Variants in TTC12 observed in about 807,000 individuals in gnomAD.
TTC12 encodes the protein tetratricopeptide repeat domain 12, also known as tetratricopeptide repeat protein 12.
A neutral mutation model predicts 90.1 loss-of-function variants in TTC12; 70 were observed. The observed-to-expected ratio is 0.78, with a 90% CI of 0.64 to 0.95. TTC12 has a LOEUF of 0.95. TTC12 is among the 40% of genes least tolerant of loss of function. The probability of loss-of-function intolerance (pLI) is 0.00; values close to 1 mark genes in which losing one functional copy is unlikely to be tolerated. For synonymous variants in TTC12, 296 were observed against 311.5 expected (o/e 0.95, Z 0.53); for missense variants, 819 against 846.1 (o/e 0.97, Z 0.40).
downstream of TTC12, among the ~76,000 whole-genome samples, chr11:113,366,909 A>G (rs1474387452): frequency 4.6e-5 from 7 of 152,214 alleles, no homozygotes; most frequent in Non-Finnish European, 8.8e-5. Context: ...ACCCTCCTCC[A>G]GCCCATCTGG....
chr11:113,333,451 A>G (rs1948175515), intron 7 of TTC12, among the ~76,000 whole-genome samples: 1 of 152,112 alleles, frequency 6.6e-6, no homozygotes, highest in African/African-American at 2.4e-5. Context: ...TAGCATTTAT[A>G]TGCTTTTTTC....
intron 2 of TTC12, among the ~76,000 whole-genome samples, chr11:113,316,752 A>AT (rs782391012): frequency 6.0e-4 from 91 of 152,230 alleles, no homozygotes; most frequent in Admixed American, 1.2e-3. Context: ...GATCCATCAA[A>AT]TTACATGGAT....
intron 3 of TTC12, 55 bp downstream of exon 3, chr11:113,323,506 C>G (rs1172549061): frequency 1.6e-6 from 2 of 1,255,138 alleles, no homozygotes; most frequent in African/African-American, 3.0e-5. Flanking sequence ...AGACCTACAC[C>G]TAGGCAGTAG....
intron 2 of TTC12, 26 bp downstream of exon 2, chr11:113,316,341 A>G: frequency 2.4e-6 from 3 of 1,248,150 alleles, no homozygotes; most frequent in Non-Finnish European, 3.2e-6. Context: ...TCATAAATTA[A>G]TTTCTGCTTT....
chr11:113,368,196 C>T (rs765006320), downstream of TTC12: 10 of 1,472,264 alleles, frequency 6.8e-6, no homozygotes, highest in African/African-American at 2.8e-5. Context: ...GAGTGCCTGC[C>T]GAGAGCAGTC....
At chr11:113,347,430 G>A (rs1429729890) in intron 13 of TTC12, among the ~76,000 whole-genome samples, 1 of 152,134 alleles carries the variant, frequency 6.6e-6, no homozygotes, top group Non-Finnish European at 1.5e-5. Flanking sequence ...ATTCGGGATG[G>A]GCACTAACGC....
chr11:113,347,196 G>C (rs1232537912), intron 13 of TTC12, among the ~76,000 whole-genome samples: 1 of 152,172 alleles, frequency 6.6e-6, no homozygotes, highest in African/African-American at 2.4e-5. Flanking sequence ...GGATGAATCT[G>C]AACTAACTGT....
rs562690745 is a variant in TTC12 at position 113,317,407 on chromosome 11, G to A, written c.58+1092G>A. Among the ~76,000 whole-genome samples the A allele has an allele frequency of 3.9e-5, 6 of 152,110 alleles. No individual in the cohort carries two copies. In the South Asian group the frequency reaches 6.2e-4, roughly 16 times the overall value. On this transcript the variant is annotated intron_variant, in intron 2 of 21. Coordinates refer to ENST00000529221, the MANE Select transcript of TTC12 (RefSeq NM_017868.4). ...ATCCAGAAATTTACAGGTCATCTGG[G>A]ACTCCTCCCAACTCATAACCCTGCA... is the stretch of plus-strand genomic sequence containing the variant.
At chr11:113,347,264 A>G (rs1949021905) in intron 13 of TTC12, among the ~76,000 whole-genome samples, 1 of 152,218 alleles carries the variant, frequency 6.6e-6, no homozygotes, top group South Asian at 2.1e-4. Flanking sequence ...TGAAGATGTT[A>G]GGGATTTGCA....
intron 4 of TTC12, chr11:113,324,280 G>T: frequency 7.5e-6 from 4 of 532,650 alleles, no homozygotes; most frequent in Non-Finnish European, 1.3e-5. Context: ...GATCCAGATA[G>T]TTTCTCTGTT....
At chr11:113,315,344 A>G (rs912296497) in intron 1 of TTC12, 3 of 152,212 alleles carry the variant, frequency 2.0e-5, no homozygotes, top group Non-Finnish European at 4.4e-5. Flanking sequence ...TTTAGCCAGA[A>G]TCACACAGCT....
chr11:113,364,945 C>G lies in TTC12; in HGVS notation c.1927C>G (p.Leu643Val). Residue 643 changes from leucine (L) to valine (V), a missense_variant, in exon 21 of 22, where the codon CTA becomes GTA. Leu to Val is a conservative substitution (Grantham distance 32, BLOSUM62 1). Transcript: ENST00000529221. ...GGTGCCCAACGTTGCGTCTTCCCTGCTAAAGACGGACCTTTTGCAGGTCTT... is the reference window on the plus strand; with the variant it reads ...GGTGCCCAACGTTGCGTCTTCCCTGGTAAAGACGGACCTTTTGCAGGTCTT... ...MEVPNVASSL[L>V]KTDLLQVLLK... is the part of the protein sequence containing the mutation. The G allele has an allele frequency of 6.2e-7, 1 of 1,614,200 alleles. No homozygotes were observed. Among genetic ancestry groups the G allele is most frequent in the Non-Finnish European group, 8.5e-7 (1 of 1,180,048 alleles).
intron 8 of TTC12, among the ~76,000 whole-genome samples, chr11:113,336,662 A>G (rs1469150507): frequency 2.0e-5 from 3 of 152,184 alleles, no homozygotes; most frequent in Non-Finnish European, 2.9e-5. Context: ...TCAATTGACC[A>G]TAAATATATG....
chr11:113,329,813 G>A (rs1947918404), intron 6 of TTC12, 107 bp from the exon 7 acceptor site: 4 of 920,392 alleles, frequency 4.3e-6, no homozygotes, highest in Non-Finnish European at 7.2e-6. Flanking sequence ...ATCCAGGTAG[G>A]GGATAGTTCT....
chr11:113,316,279 G>A lies in TTC12; in HGVS notation c.22G>A (p.Asp8Asn), dbSNP rs1235477601. Residue 8 changes from aspartate (D) to asparagine (N), a missense_variant, in exon 2 of 22, where the codon GAT becomes AAT. Transcript: ENST00000529221. MDADKEKDLQKFLKNVDE... is the reference protein window; with the variant it reads MDADKEKNLQKFLKNVDE... Reference sequence around the variant, plus strand: ...CACAATGGATGCTGATAAAGAGAAAGATTTGCAGAAATTTCTTAAAAATGT... The same window carrying A: ...CACAATGGATGCTGATAAAGAGAAAAATTTGCAGAAATTTCTTAAAAATGT... The A allele has an allele frequency of 1.4e-6, 2 of 1,472,494 alleles. No individual in the cohort carries two copies. Among genetic ancestry groups the A allele is most frequent in the Non-Finnish European group, 1.8e-6 (2 of 1,109,892 alleles). The allele number at this position is 1,472,494 out of a possible 1,614,324, so 91.2% of individuals were successfully genotyped here.
intron 12 of TTC12, among the ~76,000 whole-genome samples, 157 bp from the exon 13 acceptor site, chr11:113,344,115 C>T (rs527381809): frequency 6.6e-6 from 1 of 152,286 alleles, no homozygotes; most frequent in African/African-American, 2.4e-5. Flanking sequence ...GCATTCGGAC[C>T]CAGCAGTCTG....
rs1379669775 is a variant in TTC12 at position 113,363,809 on chromosome 11, A to G, written c.1717-19A>G. On this transcript the variant is annotated intron_variant, in intron 19 of 21. Coordinates refer to ENST00000529221, the MANE Select transcript of TTC12 (RefSeq NM_017868.4). ...TCATAGCACTGATTTTATTTTTCTA[A>G]TTTCATTCTGAAATCTAGACAGGAG... 1.6e-5 allele frequency: 25 copies of G among 1,570,380 alleles called. No individual in the cohort carries two copies. The highest frequency in any genetic ancestry group is 2.2e-5 in the Non-Finnish European group (25 of 1,142,836).
chr11:113,367,350 C>T (rs1950249446), downstream of TTC12, among the ~76,000 whole-genome samples: 1 of 152,242 alleles, frequency 6.6e-6, no homozygotes, highest in Admixed American at 6.5e-5. Context: ...CTTCTGGAAA[C>T]ACTAATACCT....
intron 10 of TTC12, 90 bp from the exon 11 acceptor site, chr11:113,340,574 A>T: frequency 1.1e-6 from 1 of 898,818 alleles, no homozygotes; most frequent in Non-Finnish European, 1.9e-6. Context: ...ATTCCATATT[A>T]GGTTTCTCAT....
Sources: allele counts gnomAD v4.1 joint callset (sites outside exome capture counted in the v4.1 genomes callset), GRCh38; gene constraint gnomAD v4.1.1; transcripts MANE v1.5; gene names NCBI Gene and HGNC (gene_info 2026-07-23, HGNC 2026-07-21).